WLS: variants seen among roughly 807,000 people sequenced by gnomAD.
WLS encodes Wnt ligand secretion mediator, also known as protein wntless homolog.
In WLS, 23 loss-of-function variants were observed where a neutral mutation model predicts 62.8. The ratio of observed to expected loss-of-function variants is 0.37; its 90% confidence interval spans 0.26 to 0.52. The LOEUF (loss-of-function observed/expected upper bound fraction) is 0.52, where lower values mean the gene tolerates loss of function less well. Among genes scored for constraint, WLS ranks in the 20% least tolerant of loss-of-function variants. WLS has a pLI of 0.92. For synonymous variants in WLS, 246 were observed against 244.1 expected, an observed-to-expected ratio of 1.01 and a Z score of -0.07; for missense variants, 615 against 697.3, an observed-to-expected ratio of 0.88 and a Z score of 1.33.
intron 1 of WLS, among the ~76,000 whole-genome samples, chr1:68,223,194 C>T (rs1176056353): frequency 6.6e-6 from 1 of 152,180 alleles, no homozygotes; most frequent in Non-Finnish European, 1.5e-5. Flanking sequence ...TGAGTAAAAG[C>T]ATGAGAGATT....
intron 2 of WLS, among the ~76,000 whole-genome samples, chr1:68,172,746 G>C (rs946508853): frequency 6.6e-6 from 1 of 152,130 alleles, no homozygotes; most frequent in Admixed American, 6.5e-5. Context: ...ACTAGGCAGC[G>C]AGATAGGAAA....
chr1:68,125,511 C>A lies in WLS; in HGVS notation c.*715G>T. 1.0e-6 allele frequency: 1 copy of A among 985,296 alleles called. No homozygotes were observed. 61.0% of individuals were successfully genotyped at this position (985,296 alleles called of 1,614,324 possible). On this transcript the variant is annotated 3_prime_UTR_variant, in exon 12 of 12. Transcript: ENST00000262348. ...AAGAAGTTAAAAAAGCTTTTCAGAC[C>A]CGAAGGCCATTTAATACAGTAAATC... is the stretch of plus-strand genomic sequence containing the variant.
intron 11 of WLS, among the ~76,000 whole-genome samples, chr1:68,110,657 GTCTCTCTCTC>G (rs55965951): frequency 7.3e-4 from 83 of 113,964 alleles, no homozygotes; most frequent in Non-Finnish European, 1.2e-3. Flanking sequence ...AAAAATCTCT[GTCTCTCTCTC>G]TCTCTCTCTC....
intron 2 of WLS, chr1:68,162,603 C>T: frequency 7.2e-7 from 1 of 1,392,668 alleles, no homozygotes; most frequent in Non-Finnish European, 1.0e-6. Flanking sequence ...GCTCCATGCT[C>T]TGAACCCGTG....
chr1:68,190,200 C>A lies in WLS; in HGVS notation c.379+3755G>T, dbSNP rs116291199. On this transcript the variant is annotated intron_variant, in intron 2 of 11. Transcript: ENST00000262348. ...AAAAAGTGGCACAAGGATTTAAACC[C>A]ATTGCTGTAGGACTCCTAAGTCCAT... Among the ~76,000 whole-genome samples, 1,035 of 152,286 alleles carry A rather than the reference C, an allele frequency of 6.8e-3. 9 individuals carry two copies. The highest frequency in any genetic ancestry group is 0.01 in the Non-Finnish European group (696 of 68,014).
At chr1:68,190,631 C>G (rs1367894856) in intron 2 of WLS, among the ~76,000 whole-genome samples, 1 of 152,176 alleles carries the variant, frequency 6.6e-6, no homozygotes, top group Non-Finnish European at 1.5e-5. Flanking sequence ...GAAGCAGATC[C>G]CCCTTCCCCG....
At chr1:68,139,366 A>T (rs929908174) in intron 10 of WLS, among the ~76,000 whole-genome samples, 12 of 152,282 alleles carry the variant, frequency 7.9e-5, no homozygotes, top group Admixed American at 7.8e-4. Flanking sequence ...CTTTATAAAA[A>T]CTATATTACT....
In WLS at chr1:68,126,060, A is replaced by G; in HGVS notation, c.*166T>C. 3 of 1,437,404 alleles carry G rather than the reference A, an allele frequency of 2.1e-6. No individual in the cohort carries two copies. Among genetic ancestry groups the G allele is most frequent in the Non-Finnish European group, 2.7e-6 (3 of 1,091,882 alleles). The allele number at this position is 1,437,404 out of a possible 1,614,324, so 89.0% of individuals were successfully genotyped here. A position where few individuals can be genotyped will look rare whatever the true frequency, so the allele number is the denominator to read the frequency against. On this transcript the variant is annotated 3_prime_UTR_variant, in exon 12 of 12. Coordinates refer to ENST00000262348, the MANE Select transcript of WLS (RefSeq NM_024911.7). ...CTGCAGGAATCTTCCTCCAAAAGCT[A>G]CCGTCAGAAGGCAAACTGACAAATG...
At chr1:68,165,992 G>C (rs1647054473) in intron 2 of WLS, among the ~76,000 whole-genome samples, 1 of 152,120 alleles carries the variant, frequency 6.6e-6, no homozygotes, top group Non-Finnish European at 1.5e-5. Context: ...TTCCTTGCCT[G>C]GTCCCAGCTT....
At chr1:68,153,701 T>G in intron 4 of WLS, 48 bp from the exon 5 acceptor site, 1 of 1,610,930 alleles carries the variant, frequency 6.2e-7, no homozygotes. Context: ...TATCTTAGCA[T>G]TTCCTTCTAC....
At chr1:68,139,210 A>G (rs1646652829) in intron 10 of WLS, among the ~76,000 whole-genome samples, 1 of 152,200 alleles carries the variant, frequency 6.6e-6, no homozygotes, top group Admixed American at 6.5e-5. Context: ...AATGCATTTT[A>G]TATAAAATGC....
intron 1 of WLS, among the ~76,000 whole-genome samples, chr1:68,205,052 T>G (rs1175568897): frequency 1.3e-5 from 2 of 152,210 alleles, no homozygotes; most frequent in Non-Finnish European, 2.9e-5. Flanking sequence ...TAACAAAATT[T>G]TATCAAATGC....
chr1:68,162,212 C>T (rs1553130019), intron 2 of WLS: 1 of 1,455,308 alleles, frequency 6.9e-7, no homozygotes, highest in Non-Finnish European at 9.6e-7. Context: ...ACATAGAGGG[C>T]TGCCCCTCGT....
At chr1:68,170,237 C>T (rs930031305) in intron 2 of WLS, among the ~76,000 whole-genome samples, 2 of 148,880 alleles carry the variant, frequency 1.3e-5, no homozygotes, top group African/African-American at 5.0e-5. Flanking sequence ...ACGATCTCCG[C>T]TCACTGCAAC....
At chr1:68,127,515 CAAGTG>C (rs1646451832) in intron 11 of WLS, among the ~76,000 whole-genome samples, 2 of 152,094 alleles carry the variant, frequency 1.3e-5, no homozygotes, top group African/African-American at 4.8e-5. Flanking sequence ...TGCCATAAGA[CAAGTG>C]AATGTATAAA....
intron 1 of WLS, among the ~76,000 whole-genome samples, chr1:68,210,971 G>A (rs898645828): frequency 6.6e-6 from 1 of 152,106 alleles, no homozygotes; most frequent in Non-Finnish European, 1.5e-5. Flanking sequence ...CAGACACTCT[G>A]ATGCCTCTTT....
chr1:68,217,191 C>T (rs1649764892), intron 1 of WLS, among the ~76,000 whole-genome samples: 1 of 152,076 alleles, frequency 6.6e-6, no homozygotes, highest in Admixed American at 6.6e-5. Context: ...AACTACTGAC[C>T]CTTACTCTCA....
chr1:68,115,719 A>T (rs60151391), intron 11 of WLS, among the ~76,000 whole-genome samples: 1,630 of 152,054 alleles, frequency 0.011, 22 homozygotes, highest in African/African-American at 0.036. Context: ...CTTTTTAAAA[A>T]CATCAACAAA....
chr1:68,112,668 C>T (rs182079175), intron 11 of WLS, among the ~76,000 whole-genome samples: 1 of 152,306 alleles, frequency 6.6e-6, no homozygotes. Flanking sequence ...CTCAATTGCC[C>T]CCAATCAGGA....
Sources: allele counts gnomAD v4.1 joint callset (sites outside exome capture counted in the v4.1 genomes callset), GRCh38; gene constraint gnomAD v4.1.1; transcripts MANE v1.5; gene names NCBI Gene and HGNC (gene_info 2026-07-23, HGNC 2026-07-21).